GRID2: variants seen among roughly 807,000 people sequenced by gnomAD.
GRID2 encodes the protein glutamate receptor ionotropic, delta-2.
GRID2 carries 33 observed loss-of-function variants against 114.8 expected under a neutral mutation model. The observed-to-expected ratio is 0.29, with a 90% CI of 0.22 to 0.38. The LOEUF (loss-of-function observed/expected upper bound fraction) is 0.38, where lower values mean the gene tolerates loss of function less well. GRID2 is among the 10% of genes least tolerant of loss of function. The probability of loss-of-function intolerance (pLI) is 1.00; values close to 1 mark genes in which losing one functional copy is unlikely to be tolerated. For missense variants in GRID2, 1,184 were observed against 1,257.7 expected (o/e 0.94, Z 0.89); for synonymous variants, 505 against 449.9 (o/e 1.12, Z -1.55).
intron 2 of GRID2, among the ~76,000 whole-genome samples, chr4:92,617,059 G>A (rs886811941): frequency 3.3e-5 from 5 of 151,222 alleles, no homozygotes; most frequent in African/African-American, 1.2e-4. Flanking sequence ...TTTATGTTGG[G>A]AACATTCAAT....
chr4:92,410,433 T>A (rs530717947), intron 1 of GRID2, among the ~76,000 whole-genome samples: 7 of 152,328 alleles, frequency 4.6e-5, no homozygotes, highest in African/African-American at 1.7e-4. Context: ...TCCATGAACA[T>A]TTATTGCACA....
intron 1 of GRID2, among the ~76,000 whole-genome samples, chr4:92,557,645 T>TTATATATATATA (rs138046427): frequency 0.019 from 2,686 of 142,604 alleles, 37 homozygotes; most frequent in Non-Finnish European, 0.028. Flanking sequence ...ATATATATGG[T>TTATATATATATA]TATATATATA....
At chr4:93,132,330 G>A (rs1253519887) in intron 4 of GRID2, among the ~76,000 whole-genome samples, 1 of 152,190 alleles carries the variant, frequency 6.6e-6, no homozygotes, top group Non-Finnish European at 1.5e-5. Flanking sequence ...TATGTAGCAT[G>A]AAACACTTTC....
intron 11 of GRID2, among the ~76,000 whole-genome samples, chr4:93,482,087 A>G (rs2149447954): frequency 6.6e-6 from 1 of 152,196 alleles, no homozygotes; most frequent in South Asian, 2.1e-4. Flanking sequence ...GTTCCATTGA[A>G]TGCCAAAAGG....
intron 1 of GRID2, among the ~76,000 whole-genome samples, chr4:92,376,596 G>T (rs1326830560): frequency 2.0e-5 from 3 of 152,092 alleles, no homozygotes; most frequent in Admixed American, 6.6e-5. Flanking sequence ...CTGTGTGGGG[G>T]CTCTGACCCC....
At chr4:92,460,324 C>T (rs1451891638) in intron 1 of GRID2, among the ~76,000 whole-genome samples, 1 of 151,736 alleles carries the variant, frequency 6.6e-6, no homozygotes, top group African/African-American at 2.4e-5. Context: ...GTTAAATACT[C>T]ATTAGTTAAA....
chr4:92,655,198 G>A (rs568252687), intron 2 of GRID2, among the ~76,000 whole-genome samples: 3 of 151,928 alleles, frequency 2.0e-5, no homozygotes, highest in Admixed American at 6.6e-5. Flanking sequence ...ACGAGTTGGC[G>A]TAAATATGTG....
intron 2 of GRID2, among the ~76,000 whole-genome samples, chr4:92,937,142 C>T (rs1466533985): frequency 6.8e-6 from 1 of 146,302 alleles, no homozygotes; most frequent in Non-Finnish European, 1.5e-5. Context: ...CTTTCTCTTT[C>T]CCTTTCTCTC....
intron 12 of GRID2, among the ~76,000 whole-genome samples, chr4:93,502,863 G>A (rs769011574): frequency 2.6e-5 from 4 of 151,960 alleles, no homozygotes; most frequent in Non-Finnish European, 5.9e-5. Context: ...GAGGAATAAG[G>A]TCTAAAGCTG....
chr4:93,725,418 A>G (rs904595386), intron 14 of GRID2, among the ~76,000 whole-genome samples: 3 of 152,150 alleles, frequency 2.0e-5, no homozygotes, highest in Non-Finnish European at 4.4e-5. Context: ...AGTCTTTGCT[A>G]TTGTGAACAG....
chr4:92,792,727 A>G (rs1034649160), intron 2 of GRID2, among the ~76,000 whole-genome samples: 7 of 151,986 alleles, frequency 4.6e-5, no homozygotes, highest in South Asian at 2.1e-4. Flanking sequence ...CATATTTGCT[A>G]TGTCTCCCAC....
At chr4:92,851,026 A>T (rs1743744039) in intron 2 of GRID2, among the ~76,000 whole-genome samples, 1 of 151,926 alleles carries the variant, frequency 6.6e-6, no homozygotes, top group Non-Finnish European at 1.5e-5. Context: ...TGATCATTTA[A>T]TTATAGTCAA....
intron 11 of GRID2, among the ~76,000 whole-genome samples, chr4:93,487,368 G>A (rs1726517091): frequency 6.6e-6 from 1 of 151,482 alleles, no homozygotes; most frequent in Admixed American, 6.6e-5. Context: ...AAATTGATGA[G>A]TAACTCAGAA....
At chr4:93,390,221 G>A (rs551438287) in intron 8 of GRID2, among the ~76,000 whole-genome samples, 22 of 152,322 alleles carry the variant, frequency 1.4e-4, no homozygotes, top group African/African-American at 3.4e-4. Context: ...TTTGGATGGA[G>A]CATCAGAATT....
chr4:93,243,192 G>T (rs1747748628), intron 8 of GRID2, among the ~76,000 whole-genome samples: 1 of 151,756 alleles, frequency 6.6e-6, no homozygotes, highest in African/African-American at 2.4e-5. Context: ...CTACTAAGCT[G>T]CAATTTAATT....
intron 14 of GRID2, among the ~76,000 whole-genome samples, chr4:93,754,155 T>C (rs1732557987): frequency 6.6e-6 from 1 of 152,124 alleles, no homozygotes; most frequent in Non-Finnish European, 1.5e-5. Context: ...AGTAAAAAGA[T>C]GGTGTTATAA....
At chr4:92,645,407 A>C (rs930559265) in intron 2 of GRID2, among the ~76,000 whole-genome samples, 10 of 151,922 alleles carry the variant, frequency 6.6e-5, no homozygotes, top group Admixed American at 4.6e-4. Flanking sequence ...AAGAAGGCCA[A>C]ATTTAATTGA....
rs1228209025 is a variant in GRID2, at chr4:93,506,755, T to A, written c.1998-8461T>A. ...AGAAGGCTTCATTTGAAAAGTTCTC[T>A]CCATTTCCCAAAATGGAGTCCTAAC... is the stretch of plus-strand genomic sequence containing the variant. On this transcript the variant is annotated intron_variant, in intron 12 of 15. Coordinates refer to ENST00000282020, the MANE Select transcript of GRID2 (RefSeq NM_001510.4). Among the ~76,000 whole-genome samples, 3 of 152,176 alleles carry A rather than the reference T, an allele frequency of 2.0e-5. No homozygotes were observed. The East Asian group carries it at 5.8e-4, about 29-fold the overall frequency.
intron 14 of GRID2, among the ~76,000 whole-genome samples, chr4:93,711,863 G>A (rs1259804550): frequency 1.3e-5 from 2 of 152,274 alleles, no homozygotes; most frequent in Admixed American, 1.3e-4. Context: ...GGTACTCTAA[G>A]TGCTCACCTG....
Sources: gnomAD v4.1 joint callset for allele counts (sites outside exome capture counted in the v4.1 genomes callset) on GRCh38, gnomAD v4.1.1 for gene constraint, MANE v1.5 for transcripts, NCBI Gene and HGNC (gene_info 2026-07-23, HGNC 2026-07-21) for gene names.